The following SCAPER variants were observed in gnomAD, a reference collection of about 807,000 sequenced individuals.
SCAPER encodes the protein S phase cyclin A-associated protein in the endoplasmic reticulum.
A neutral mutation model predicts 182.2 loss-of-function variants in SCAPER; 98 were observed. The observed-to-expected ratio is 0.54, with a 90% CI of 0.46 to 0.64. SCAPER has a LOEUF of 0.64. SCAPER is among the 30% of genes least tolerant of loss of function. The pLI, the probability that SCAPER is intolerant of heterozygous loss-of-function variation, is 0.00. For synonymous variants in SCAPER, 605 were observed against 564.6 expected, an observed-to-expected ratio of 1.07 and a Z score of -1.01; for missense variants, 1,432 against 1,690.0, an observed-to-expected ratio of 0.85 and a Z score of 2.68.
At chr15:76,820,514 T>C (rs187414273) in intron 5 of SCAPER, among the ~76,000 whole-genome samples, 1 of 145,220 alleles carries the variant, frequency 6.9e-6, no homozygotes, top group African/African-American at 2.6e-5. Flanking sequence ...CCACGTGTTC[T>C]CACTCATAGG....
chr15:76,733,718 C>T (rs745701778), intron 15 of SCAPER, among the ~76,000 whole-genome samples: 4 of 152,036 alleles, frequency 2.6e-5, no homozygotes, highest in African/African-American at 4.8e-5. Context: ...CGTGCCACTG[C>T]ACTCCAGCCT....
At position 76,394,677 on chromosome 15, in the gene SCAPER, G is replaced by A. The variant is rs1328818105; in HGVS notation, c.3467+9847C>T. Among the ~76,000 whole-genome samples the A allele has an allele frequency of 2.0e-5, 3 of 152,260 alleles. No individual in the cohort carries two copies. In the East Asian group the frequency reaches 5.8e-4, roughly 29 times the overall value. On this transcript the variant is annotated intron_variant, in intron 27 of 31. Coordinates refer to ENST00000563290, the MANE Select transcript of SCAPER (RefSeq NM_020843.4). ...TTAGCAGGTCACTTCCTTGCTCAAA[G>A]GCTTTAAAAATTCATTTTATGTTTT... is the stretch of plus-strand genomic sequence containing the variant.
intron 2 of SCAPER, among the ~76,000 whole-genome samples, chr15:76,879,858 T>C (rs986543224): frequency 4.6e-5 from 7 of 152,166 alleles, no homozygotes; most frequent in Non-Finnish European, 7.4e-5. Context: ...TTAACCACAA[T>C]TATATTTTAA....
chr15:76,778,878 C>G (rs1191689037), intron 8 of SCAPER, among the ~76,000 whole-genome samples: 1 of 151,918 alleles, frequency 6.6e-6, no homozygotes, highest in Non-Finnish European at 1.5e-5. Flanking sequence ...AAATACAAAA[C>G]ACAGGTAGGC....
chr15:76,836,074 G>A (rs1310659974), intron 5 of SCAPER, among the ~76,000 whole-genome samples: 1 of 151,990 alleles, frequency 6.6e-6, no homozygotes, highest in African/African-American at 2.4e-5. Context: ...TCATGGATAG[G>A]AAGAATCAAT....
chr15:76,722,360 T>C (rs1408366001), intron 17 of SCAPER, among the ~76,000 whole-genome samples: 1 of 152,226 alleles, frequency 6.6e-6, no homozygotes, highest in Non-Finnish European at 1.5e-5. Context: ...TGCATCAATG[T>C]TCATCAAGGA....
intron 21 of SCAPER, among the ~76,000 whole-genome samples, chr15:76,639,039 T>C (rs933314248): frequency 6.6e-6 from 1 of 152,158 alleles, no homozygotes; most frequent in Non-Finnish European, 1.5e-5. Flanking sequence ...GCCTGTCTTG[T>C]TTTTAAAAAC....
intron 4 of SCAPER, among the ~76,000 whole-genome samples, chr15:76,843,929 C>T (rs998222899): frequency 1.3e-5 from 2 of 152,092 alleles, no homozygotes; most frequent in African/African-American, 4.8e-5. Flanking sequence ...GATATACTTG[C>T]TATGTGCCAA....
At chr15:76,531,806 C>T (rs181817962) in intron 23 of SCAPER, among the ~76,000 whole-genome samples, 8 of 152,284 alleles carry the variant, frequency 5.3e-5, no homozygotes, top group Admixed American at 1.3e-4. Flanking sequence ...TAGTGGTCTA[C>T]TGACCAGTCT....
rs553809570 is a variant in SCAPER at position 76,772,065 on chromosome 15, T to C, written c.1036-111A>G. ...ATTAACTATGAAGAAGAAGAGGTAC[T>C]TGACTGGATGACAGAAAATTTACTC... On this transcript the variant is annotated intron_variant, in intron 9 of 31. Transcript: ENST00000563290. 3.9e-4 allele frequency: 281 copies of C among 726,586 alleles called. 4 individuals are homozygous for C. The South Asian group carries it at 5.0e-3, about 13-fold the overall frequency. The allele number at this position is 726,586 out of a possible 1,614,324, so 45.0% of individuals were successfully genotyped here.
chr15:76,504,763 C>T (rs2041434755), intron 24 of SCAPER, 96 bp downstream of exon 24: 2 of 975,350 alleles, frequency 2.1e-6, no homozygotes, highest in Non-Finnish European at 3.0e-6. Context: ...ACCCTGAATA[C>T]ACATACAATT....
At chr15:76,890,487 T>G (rs1271268314) in intron 1 of SCAPER, among the ~76,000 whole-genome samples, 1 of 152,028 alleles carries the variant, frequency 6.6e-6, no homozygotes, top group Non-Finnish European at 1.5e-5. Context: ...AAAGGGGATA[T>G]CACCACAGAT....
chr15:76,702,756 G>T (rs2147276201), intron 19 of SCAPER, 94 bp downstream of exon 19: 3 of 1,429,542 alleles, frequency 2.1e-6, no homozygotes, highest in Non-Finnish European at 2.8e-6. Context: ...GCCTGCCTTA[G>T]CGTGAGTTTT....
intron 21 of SCAPER, among the ~76,000 whole-genome samples, chr15:76,648,646 A>T (rs1250112179): frequency 1.3e-5 from 2 of 152,230 alleles, no homozygotes; most frequent in African/African-American, 4.8e-5. Context: ...GCAGATAGTA[A>T]GAATAAGGAA....
At chr15:76,608,736 C>A (rs911274425) in intron 22 of SCAPER, among the ~76,000 whole-genome samples, 2 of 152,200 alleles carry the variant, frequency 1.3e-5, no homozygotes, top group Non-Finnish European at 2.9e-5. Flanking sequence ...GGCGCCCCTC[C>A]CCCAGCCTCA....
chr15:76,727,038 C>CA (rs1296572217), intron 17 of SCAPER, among the ~76,000 whole-genome samples: 2 of 142,234 alleles, frequency 1.4e-5, no homozygotes, highest in African/African-American at 5.1e-5. Flanking sequence ...GAAAAGCATA[C>CA]AAAAATCCTT....
intron 8 of SCAPER, among the ~76,000 whole-genome samples, chr15:76,790,574 G>C (rs1245494925): frequency 6.6e-6 from 1 of 152,010 alleles, no homozygotes; most frequent in African/African-American, 2.4e-5. Flanking sequence ...TCCAAATTTA[G>C]TATATAATAC....
chr15:76,667,891 A>C (rs956614790), intron 20 of SCAPER, among the ~76,000 whole-genome samples: 3 of 151,840 alleles, frequency 2.0e-5, no homozygotes, highest in African/African-American at 7.3e-5. Flanking sequence ...TGAACCCAGA[A>C]GGCAGAGGTT....
intron 23 of SCAPER, among the ~76,000 whole-genome samples, chr15:76,507,798 C>A (rs1194938506): frequency 6.6e-6 from 1 of 152,114 alleles, no homozygotes; most frequent in Non-Finnish European, 1.5e-5. Flanking sequence ...AAAAATATTT[C>A]TTTGCAATAA....
Sources: allele counts gnomAD v4.1 joint callset (sites outside exome capture counted in the v4.1 genomes callset), GRCh38; gene constraint gnomAD v4.1.1; transcripts MANE v1.5; gene names NCBI Gene and HGNC (gene_info 2026-07-23, HGNC 2026-07-21).